Variants in TPP2 observed in about 807,000 individuals in gnomAD.
TPP2 encodes the protein tripeptidyl-peptidase 2.
Under a neutral mutation model 155.9 loss-of-function variants are expected in TPP2, and 34 were observed. The ratio of observed to expected loss-of-function variants is 0.22; its 90% confidence interval spans 0.17 to 0.29. The LOEUF (loss-of-function observed/expected upper bound fraction) is 0.29, where lower values mean the gene tolerates loss of function less well. TPP2 is among the 10% of genes least tolerant of loss of function. The probability of loss-of-function intolerance (pLI) is 1.00; values close to 1 mark genes in which losing one functional copy is unlikely to be tolerated. For synonymous variants in TPP2, 510 were observed against 529.4 expected, an observed-to-expected ratio of 0.96 and a Z score of 0.50; for missense variants, 1,028 against 1,522.3, an observed-to-expected ratio of 0.68 and a Z score of 5.40.
chr13:102,624,852 C>CTTTTTTTTTT (rs1029486604), intron 6 of TPP2, among the ~76,000 whole-genome samples: 3 of 83,426 alleles, frequency 3.6e-5, no homozygotes, highest in Admixed American at 1.6e-4. Context: ...TTTTTTTTTC[C>CTTTTTTTTTT]TTTTTTTTTT....
Position 102,627,196 on chromosome 13 carries a change from G to A in TPP2, c.939+30G>A, listed in dbSNP as rs752524598. The A allele has an allele frequency of 4.0e-6, 6 of 1,515,816 alleles. No homozygotes were observed. In the East Asian group the frequency reaches 1.4e-4, roughly 36 times the overall value. 93.9% of individuals were successfully genotyped at this position (1,515,816 alleles called of 1,614,324 possible). A position where few individuals can be genotyped will look rare whatever the true frequency, so the allele number is the denominator to read the frequency against. ...GTGTTTGTGAGTTGTTGATTCAGAA[G>A]ATTAATGATTAATGATCTTGGATAT... On this transcript the variant is annotated intron_variant, in intron 7 of 29. Transcript: ENST00000376052.
intron 14 of TPP2, among the ~76,000 whole-genome samples, 184 bp from the exon 15 acceptor site, chr13:102,638,055 G>A (rs1399622877): frequency 1.3e-5 from 2 of 152,126 alleles, no homozygotes; most frequent in Non-Finnish European, 2.9e-5. Flanking sequence ...GTCAAATGTT[G>A]CTATACATTT....
intron 25 of TPP2, among the ~76,000 whole-genome samples, chr13:102,659,132 A>G (rs1052314229): frequency 2.0e-5 from 3 of 152,200 alleles, no homozygotes; most frequent in African/African-American, 7.2e-5. Flanking sequence ...CATTTGCAAC[A>G]GAAGATGGAG....
intron 2 of TPP2, among the ~76,000 whole-genome samples, chr13:102,610,346 A>T (rs1468822061): frequency 6.6e-6 from 1 of 151,962 alleles, no homozygotes; most frequent in Non-Finnish European, 1.5e-5. Context: ...TTCCTGCCTC[A>T]GCCTCCCAAG....
At chr13:102,613,327 C>T (rs538619482) in intron 2 of TPP2, among the ~76,000 whole-genome samples, 55 of 152,280 alleles carry the variant, frequency 3.6e-4, no homozygotes, top group African/African-American at 1.2e-3. Context: ...AAAGGTATTG[C>T]ACAAGTGAGG....
intron 23 of TPP2, among the ~76,000 whole-genome samples, chr13:102,650,763 G>A (rs1294649351): frequency 1.3e-5 from 2 of 152,160 alleles, no homozygotes; most frequent in Admixed American, 1.3e-4. Context: ...CAGTTACATT[G>A]TTTTAGGAGA....
At chr13:102,628,067 C>G in intron 8 of TPP2, 143 bp downstream of exon 8, 3 of 672,108 alleles carry the variant, frequency 4.5e-6, no homozygotes, top group South Asian at 2.0e-5. Context: ...AGAGGACTTT[C>G]ATCCTCTTGA....
At chr13:102,672,841 T>G (rs1351888813) in intron 27 of TPP2, among the ~76,000 whole-genome samples, 1 of 152,168 alleles carries the variant, frequency 6.6e-6, no homozygotes, top group African/African-American at 2.4e-5. Flanking sequence ...AATTCCAGTG[T>G]AAACAAGCAG....
intron 14 of TPP2, 63 bp from the exon 15 acceptor site, chr13:102,638,176 C>G: frequency 2.5e-3 from 3,201 of 1,302,226 alleles, no homozygotes; most frequent in Non-Finnish European, 3.2e-3. Flanking sequence ...GTAGTTTAGA[C>G]CTTCCCCCGC....
intron 27 of TPP2, among the ~76,000 whole-genome samples, chr13:102,673,322 C>A (rs562398182): frequency 6.6e-6 from 1 of 152,190 alleles, no homozygotes; most frequent in East Asian, 1.9e-4. Context: ...CACTCTGAGT[C>A]TTTCAGAGTC....
At chr13:102,647,072 A>G (rs1883157406) in intron 20 of TPP2, 135 bp from the exon 21 acceptor site, 1 of 1,145,896 alleles carries the variant, frequency 8.7e-7, no homozygotes, top group Non-Finnish European at 1.2e-6. Flanking sequence ...TGTGTTCTAT[A>G]TTTTCAAAAT....
At chr13:102,632,591 T>C (rs1278350550) in intron 10 of TPP2, among the ~76,000 whole-genome samples, 1 of 152,222 alleles carries the variant, frequency 6.6e-6, no homozygotes. Context: ...CTTTATCATT[T>C]ACCACTTTAA....
chr13:102,609,678 C>T lies in TPP2; in HGVS notation c.295-4423C>T, dbSNP rs530962603. Among the ~76,000 whole-genome samples, 15 of 151,816 alleles carry T rather than the reference C, an allele frequency of 9.9e-5. No individual in the cohort carries two copies. In the East Asian group the frequency reaches 1.5e-3, roughly 16 times the overall value. On this transcript the variant is annotated intron_variant, in intron 2 of 29. Coordinates refer to ENST00000376052, the MANE Select transcript of TPP2 (RefSeq NM_001330588.2). ...TCCCAAAGTGCTGGGATTACAAGCG[C>T]GAGCCACCGTGCCCAGCCCCCATGC...
At position 102,626,886 on chromosome 13, in the gene TPP2, TCTC is replaced by T. The variant is rs1212564571; in HGVS notation, c.785-124_785-122del. 6.3e-6 allele frequency: 6 copies of T among 953,074 alleles called. 1 individual carries two copies. The East Asian group carries it at 8.9e-5, about 14-fold the overall frequency. 59.0% of individuals were successfully genotyped at this position (953,074 alleles called of 1,614,324 possible). A position where few individuals can be genotyped will look rare whatever the true frequency, so the allele number is the denominator to read the frequency against. The stretch of plus-strand genomic sequence containing the variant: ...TTTCCTTTGTGACTTGAGTTTTTGC[TCTC>T]CATGAACAGGGTAGCAGAGTAATGT... On this transcript the variant is annotated intron_variant, in intron 6 of 29. Coordinates refer to ENST00000376052, the MANE Select transcript of TPP2 (RefSeq NM_001330588.2).
At chr13:102,605,127 C>CTAGTAGTTCA (rs71125078) in intron 2 of TPP2, among the ~76,000 whole-genome samples, 1 of 151,686 alleles carries the variant, frequency 6.6e-6, no homozygotes, top group African/African-American at 2.4e-5. Context: ...TAACGGGGTT[C>CTAGTAGTTCA]CAGTCGCCCT....
chr13:102,603,590 C>T (rs1485364530), intron 1 of TPP2, among the ~76,000 whole-genome samples: 1 of 152,040 alleles, frequency 6.6e-6, no homozygotes, highest in Non-Finnish European at 1.5e-5. Flanking sequence ...AGGAGGTTGG[C>T]GTGGTTAGAC....
intron 11 of TPP2, among the ~76,000 whole-genome samples, chr13:102,634,752 A>G (rs967662382): frequency 6.6e-6 from 1 of 152,186 alleles, no homozygotes; most frequent in Non-Finnish European, 1.5e-5. Flanking sequence ...CAAGTGCTAC[A>G]TCCTTCTCTA....
intron 17 of TPP2, among the ~76,000 whole-genome samples, 197 bp from the exon 18 acceptor site, chr13:102,644,360 A>G (rs1305795165): frequency 6.6e-6 from 1 of 151,882 alleles, no homozygotes; most frequent in Non-Finnish European, 1.5e-5. Flanking sequence ...GTAAATAACT[A>G]TGTATATTTA....
chr13:102,655,731 CT>C (rs1357707510), intron 24 of TPP2, among the ~76,000 whole-genome samples: 1 of 152,190 alleles, frequency 6.6e-6, no homozygotes, highest in East Asian at 1.9e-4. Context: ...CCACTGTCCC[CT>C]GACACTGTTC....
Sources: gnomAD v4.1 joint callset for allele counts (sites outside exome capture counted in the v4.1 genomes callset) on GRCh38, gnomAD v4.1.1 for gene constraint, MANE v1.5 for transcripts, NCBI Gene and HGNC (gene_info 2026-07-23, HGNC 2026-07-21) for gene names.